The following BPTF variants were observed in gnomAD, a reference collection of about 807,000 sequenced individuals.
BPTF encodes the protein nucleosome-remodeling factor subunit BPTF.
A neutral mutation model predicts 292.5 loss-of-function variants in BPTF; 18 were observed. The observed-to-expected ratio is 0.06, with a 90% CI of 0.04 to 0.09. The LOEUF (loss-of-function observed/expected upper bound fraction) is 0.09, where lower values mean the gene tolerates loss of function less well. Ranked by LOEUF, BPTF falls within the 10% of genes least tolerant of loss-of-function variation. BPTF has a pLI of 1.00. For missense variants in BPTF, 2,726 were observed against 3,498.7 expected (o/e 0.78, Z 5.57); for synonymous variants, 1,225 against 1,251.9 (o/e 0.98, Z 0.45).
rs1009353573 is a variant in BPTF at position 67,849,436 on chromosome 17, GTTTT to G, written c.614-4501_614-4498del. 2.1e-3 allele frequency among the ~76,000 whole-genome samples: 313 copies of G among 152,248 alleles called. 1 individual carries two copies. Among genetic ancestry groups the G allele is most frequent in the African/African-American group, 7.2e-3 (301 of 41,528 alleles). On this transcript the variant is annotated intron_variant, in intron 1 of 27. Coordinates refer to ENST00000306378, the MANE Select transcript of BPTF (RefSeq NM_182641.4). The stretch of plus-strand genomic sequence containing the variant: ...ATGCCAGTCACTTGTCGAGTAGCAA[GTTTT>G]TTGTTTTTTATTTTTTGTTTGTTTT...
intron 1 of BPTF, among the ~76,000 whole-genome samples, chr17:67,829,540 A>C (rs9914296): frequency 0.1 from 15,517 of 151,284 alleles, 2,729 homozygotes; most frequent in African/African-American, 0.36. Flanking sequence ...GGAATGAGTA[A>C]CAATGCATGA....
chr17:67,979,253 A>C (rs2069999829), intron 27 of BPTF, among the ~76,000 whole-genome samples: 2 of 151,864 alleles, frequency 1.3e-5, no homozygotes, highest in African/African-American at 2.4e-5. Flanking sequence ...TAGTAACGTA[A>C]ATAATGACAT....
chr17:67,952,417 C>T (rs1310786903), intron 23 of BPTF, among the ~76,000 whole-genome samples: 1 of 152,068 alleles, frequency 6.6e-6, no homozygotes, highest in Non-Finnish European at 1.5e-5. Flanking sequence ...ACACCTGCTA[C>T]CACGCCCAGC....
intron 8 of BPTF, among the ~76,000 whole-genome samples, chr17:67,904,132 G>A (rs1011673521): frequency 1.1e-4 from 16 of 152,126 alleles, no homozygotes; most frequent in African/African-American, 3.9e-4. Context: ...GGGTTCAAAC[G>A]ATTCTCCTGC....
chr17:67,836,355 T>C (rs750186127), intron 1 of BPTF, among the ~76,000 whole-genome samples: 4 of 152,230 alleles, frequency 2.6e-5, no homozygotes, highest in African/African-American at 7.2e-5. Flanking sequence ...ACTAGAAATA[T>C]GGCTTCTTGC....
intron 26 of BPTF, 53 bp downstream of exon 26, chr17:67,966,709 A>T (rs1309767523): frequency 2.2e-6 from 3 of 1,353,778 alleles, no homozygotes; most frequent in Non-Finnish European, 3.0e-6. Context: ...TGGATGTTTT[A>T]TTATCCATAA....
At chr17:67,954,516 C>A (rs555491852) in intron 23 of BPTF, among the ~76,000 whole-genome samples, 2 of 152,160 alleles carry the variant, frequency 1.3e-5, no homozygotes, top group African/African-American at 4.8e-5. Context: ...ATGTTAGTCT[C>A]CCTTACCCCC....
At chr17:67,833,139 T>C (rs2056855878) in intron 1 of BPTF, among the ~76,000 whole-genome samples, 1 of 152,140 alleles carries the variant, frequency 6.6e-6, no homozygotes, top group African/African-American at 2.4e-5. Context: ...TGGAATCATA[T>C]AATATATGTC....
At position 67,911,339 on chromosome 17, in the gene BPTF, A is replaced by C; in HGVS notation, c.3455A>C (p.Asp1152Ala). Reference protein sequence around the residue: ...ESDSSVLRMSDPSHTTNKLYP... With the variant: ...ESDSSVLRMSAPSHTTNKLYP... ...GATTCCTCAGTTCTTAGAATGAGTG[A>C]TCCTAGTCATACCACAAACAAACTT... The change falls in exon 11 of 28, where the codon GAT becomes GCT. Residue 1152 changes from aspartate to alanine, a missense_variant. This residue lies in a region of BPTF where 713 missense variants were observed against 714.9 expected (regional missense o/e 1.00). Transcript: ENST00000306378. 1 of 1,614,164 alleles carries C rather than the reference A, an allele frequency of 6.2e-7. No homozygotes were observed.
rs1598744040 is a variant in BPTF at position 67,931,823 on chromosome 17, A to G, written c.6151-88A>G. On this transcript the variant is annotated intron_variant, in intron 17 of 27. Transcript: ENST00000306378. ...TTCCTGTAAACATTTTTATTAATAT[A>G]GAATGTTTAAAGATCTTGTGTTCTA... 7 of 879,290 alleles carry G rather than the reference A, an allele frequency of 8.0e-6. No homozygotes were observed. The East Asian group carries it at 2.0e-4, about 25-fold the overall frequency. 54.5% of individuals were successfully genotyped at this position (879,290 alleles called of 1,614,324 possible).
intron 23 of BPTF, among the ~76,000 whole-genome samples, chr17:67,952,209 T>C (rs1223633447): frequency 2.6e-5 from 4 of 151,892 alleles, no homozygotes; most frequent in Non-Finnish European, 5.9e-5. Context: ...TTATAAGATA[T>C]GTGATTGCTT....
At chr17:67,925,077 T>A (rs1433087779) in intron 15 of BPTF, among the ~76,000 whole-genome samples, 1 of 147,322 alleles carries the variant, frequency 6.8e-6, no homozygotes, top group Admixed American at 6.8e-5. Context: ...TTTTTTTAAG[T>A]GTATCTCACG....
At chr17:67,974,733 C>CG (rs2069189271) in intron 26 of BPTF, 1 of 152,434 alleles carries the variant, frequency 6.6e-6, no homozygotes, top group African/African-American at 2.4e-5. Flanking sequence ...AGAAGATGCA[C>CG]GGGGCAATGC....
At chr17:67,942,318 AAAAAC>A (rs2065440190) in intron 19 of BPTF, among the ~76,000 whole-genome samples, 1 of 6,846 alleles carries the variant, frequency 1.5e-4, no homozygotes, top group South Asian at 0.12. Flanking sequence ...CAAAAAAAAG[AAAAAC>A]AAAAAAAAAA....
At chr17:67,935,111 CAT>C (rs542918573) in intron 18 of BPTF, among the ~76,000 whole-genome samples, 111 of 151,866 alleles carry the variant, frequency 7.3e-4, no homozygotes, top group Admixed American at 5.8e-3. Flanking sequence ...AAGTTAGAAA[CAT>C]ATATAAAACA....
chr17:67,869,737 A>G (rs2059595227), intron 3 of BPTF, among the ~76,000 whole-genome samples: 1 of 150,164 alleles, frequency 6.7e-6, no homozygotes, highest in Non-Finnish European at 1.5e-5. Flanking sequence ...TAATCCCAGC[A>G]TTTTGGGAGG....
At chr17:67,943,371 T>G (rs1024357676) in intron 19 of BPTF, among the ~76,000 whole-genome samples, 19 of 151,984 alleles carry the variant, frequency 1.3e-4, no homozygotes, top group African/African-American at 4.6e-4. Context: ...TAGGGGATGG[T>G]TTTTACTTTT....
rs1361692457 is a variant in BPTF at position 67,912,917 on chromosome 17, T to C, written c.5033T>C (p.Val1678Ala). 2 of 1,614,184 alleles carry C rather than the reference T, an allele frequency of 1.2e-6. No individual in the cohort carries two copies. The highest frequency in any genetic ancestry group is 2.2e-5 in the South Asian group (2 of 91,080). The change falls in exon 11 of 28, where the codon GTG becomes GCG. Residue 1678 changes from valine to alanine, a missense_variant. Coordinates refer to ENST00000306378, the MANE Select transcript of BPTF (RefSeq NM_182641.4). ...GGCACACTGGTTACATCTATGACTG[T>C]GAGCAAAGAGTATTCCACACGAGAC... ...TGGTLVTSMT[V>A]SKEYSTRDKV...
At chr17:67,935,725 A>C (rs912322897) in intron 18 of BPTF, among the ~76,000 whole-genome samples, 3 of 152,148 alleles carry the variant, frequency 2.0e-5, no homozygotes, top group African/African-American at 7.2e-5. Context: ...GAATGTTGAC[A>C]GATGCCTATA....
Sources: allele counts gnomAD v4.1 joint callset (sites outside exome capture counted in the v4.1 genomes callset), GRCh38; gene constraint gnomAD v4.1.1; regional missense constraint gnomAD v4.1.1; transcripts MANE v1.5; gene names NCBI Gene and HGNC (gene_info 2026-07-23, HGNC 2026-07-21).